The following ANKS1B variants were observed in gnomAD, a reference collection of about 807,000 sequenced individuals.
ANKS1B encodes the protein ankyrin repeat and sterile alpha motif domain-containing protein 1B.
In ANKS1B, 36 loss-of-function variants were observed where a neutral mutation model predicts 148.3. The observed-to-expected ratio is 0.24, with a 90% CI of 0.19 to 0.32. The LOEUF (loss-of-function observed/expected upper bound fraction) is 0.32, where lower values mean the gene tolerates loss of function less well. Among genes scored for constraint, ANKS1B ranks in the 10% least tolerant of loss-of-function variants. The pLI is 1.00. For synonymous variants in ANKS1B, 542 were observed against 560.8 expected, an observed-to-expected ratio of 0.97 and a Z score of 0.47; for missense variants, 1,157 against 1,542.6, an observed-to-expected ratio of 0.75 and a Z score of 4.19.
intron 9 of ANKS1B, among the ~76,000 whole-genome samples, chr12:99,654,354 C>T (rs1329242197): frequency 1.3e-5 from 2 of 152,166 alleles, no homozygotes; most frequent in African/African-American, 2.4e-5. Context: ...TTTCCACCCA[C>T]GTTCTATGTA....
intron 17 of ANKS1B, chr12:98,894,856 T>G: frequency 1.0e-6 from 1 of 979,802 alleles, no homozygotes; most frequent in South Asian, 4.7e-5. Flanking sequence ...AGCGCCGGGC[T>G]CTCCCCGCGA....
chr12:98,769,385 C>T (rs1392342703), intron 25 of ANKS1B, among the ~76,000 whole-genome samples: 1 of 151,822 alleles, frequency 6.6e-6, no homozygotes, highest in African/African-American at 2.4e-5. Flanking sequence ...GCCTTTGTTA[C>T]TAATTTTGAG....
chr12:99,798,093 C>G (rs2066469328), intron 4 of ANKS1B, among the ~76,000 whole-genome samples: 1 of 151,934 alleles, frequency 6.6e-6, no homozygotes, highest in Non-Finnish European at 1.5e-5. Flanking sequence ...CTTAGCTGCA[C>G]TGGTTTCCCC....
intron 9 of ANKS1B, among the ~76,000 whole-genome samples, chr12:99,559,522 T>C (rs2097311039): frequency 6.6e-6 from 1 of 152,176 alleles, no homozygotes; most frequent in Admixed American, 6.5e-5. Context: ...CTCGTTCCAG[T>C]TGCATGGTGG....
intron 17 of ANKS1B, among the ~76,000 whole-genome samples, chr12:98,975,345 C>T (rs1037928903): frequency 2.0e-5 from 3 of 148,874 alleles, no homozygotes; most frequent in African/African-American, 7.5e-5. Context: ...TTCCTTTCTC[C>T]TTCCTTCCCT....
intron 17 of ANKS1B, among the ~76,000 whole-genome samples, chr12:99,024,556 C>A (rs746407910): frequency 7.9e-5 from 12 of 152,224 alleles, no homozygotes; most frequent in East Asian, 1.9e-4. Context: ...CATATTTGAG[C>A]CTTATCCTCT....
At chr12:98,993,024 T>C (rs2099927532) in intron 17 of ANKS1B, among the ~76,000 whole-genome samples, 1 of 152,238 alleles carries the variant, frequency 6.6e-6, no homozygotes, top group Admixed American at 6.5e-5. Flanking sequence ...CCTACTTATT[T>C]GTATATAAGA....
chr12:99,320,482 A>G (rs1455372905), intron 12 of ANKS1B, among the ~76,000 whole-genome samples: 1 of 152,090 alleles, frequency 6.6e-6, no homozygotes, highest in East Asian at 1.9e-4. Flanking sequence ...ACTTGATCGA[A>G]TCGGCTACTG....
intron 1 of ANKS1B, among the ~76,000 whole-genome samples, chr12:99,907,812 TAAAAAAAA>T (rs751468199): frequency 1.0e-4 from 10 of 100,156 alleles, no homozygotes; most frequent in East Asian, 6.8e-4. Context: ...GAGAAATTCT[TAAAAAAAA>T]AAAAAAAAAA....
intron 15 of ANKS1B, among the ~76,000 whole-genome samples, chr12:99,087,667 A>T (rs1489669192): frequency 6.6e-6 from 1 of 152,190 alleles, no homozygotes; most frequent in African/African-American, 2.4e-5. Flanking sequence ...CTTAAGAAAA[A>T]ATCTTTCGTC....
At chr12:99,567,377 C>G (rs557169363) in intron 9 of ANKS1B, among the ~76,000 whole-genome samples, 1 of 152,220 alleles carries the variant, frequency 6.6e-6, no homozygotes, top group African/African-American at 2.4e-5. Flanking sequence ...ATGCAAAAAG[C>G]CTTTTATATG....
At chr12:99,413,411 T>C (rs1344873663) in intron 11 of ANKS1B, among the ~76,000 whole-genome samples, 1 of 152,204 alleles carries the variant, frequency 6.6e-6, no homozygotes, top group Non-Finnish European at 1.5e-5. Context: ...TATTTACAAG[T>C]AAAGCCAAGA....
chr12:99,304,158 G>A (rs548880199), intron 12 of ANKS1B, among the ~76,000 whole-genome samples: 6 of 152,134 alleles, frequency 3.9e-5, no homozygotes, highest in East Asian at 3.9e-4. Context: ...TCAAATGGTC[G>A]TTCTACTTTT....
At chr12:99,153,882 C>T (rs1352225782) in intron 15 of ANKS1B, among the ~76,000 whole-genome samples, 6 of 152,134 alleles carry the variant, frequency 3.9e-5, no homozygotes, top group Non-Finnish European at 8.8e-5. Context: ...CAAATTGTCT[C>T]ATTAACCACT....
At chr12:99,956,903 T>C (rs1372311162) in intron 1 of ANKS1B, among the ~76,000 whole-genome samples, 1 of 152,228 alleles carries the variant, frequency 6.6e-6, no homozygotes, top group Non-Finnish European at 1.5e-5. Context: ...CTCTGCATAA[T>C]ACCTTGTTAA....
At chr12:99,004,274 C>T (rs566042090) in intron 17 of ANKS1B, among the ~76,000 whole-genome samples, 25 of 152,136 alleles carry the variant, frequency 1.6e-4, no homozygotes, top group African/African-American at 5.3e-4. Context: ...TTCAGCAAAA[C>T]GCTCCTATTA....
chr12:98,942,198 G>A (rs371326447), intron 17 of ANKS1B, among the ~76,000 whole-genome samples: 1 of 148,094 alleles, frequency 6.8e-6, no homozygotes, highest in Non-Finnish European at 1.5e-5. Flanking sequence ...CTGAGATCGC[G>A]CCACTGTACT....
intron 25 of ANKS1B, among the ~76,000 whole-genome samples, chr12:98,754,776 T>A (rs1406526783): frequency 6.6e-6 from 1 of 152,188 alleles, no homozygotes; most frequent in African/African-American, 2.4e-5. Flanking sequence ...TGGGAGAGAA[T>A]GTGTTAGAAG....
intron 8 of ANKS1B, among the ~76,000 whole-genome samples, chr12:99,759,915 T>G (rs2061923728): frequency 6.6e-6 from 1 of 150,848 alleles, no homozygotes; most frequent in African/African-American, 2.4e-5. Context: ...ACTAGAAAGT[T>G]TAATTCAAGT....
Sources: allele counts gnomAD v4.1 joint callset (sites outside exome capture counted in the v4.1 genomes callset), GRCh38; gene constraint gnomAD v4.1.1; transcripts MANE v1.5; gene names NCBI Gene and HGNC (gene_info 2026-07-23, HGNC 2026-07-21).